The following SUPT3H variants were observed in gnomAD, a reference collection of about 807,000 sequenced individuals.
The protein encoded by SUPT3H is transcription initiation protein SPT3 homolog.
A neutral mutation model predicts 44.3 loss-of-function variants in SUPT3H; 44 were observed. That is an observed-to-expected ratio of 0.99 (90% CI 0.78 to 1.28). SUPT3H has a LOEUF of 1.28. Ranked by LOEUF, SUPT3H falls within the 50% of genes most tolerant of loss-of-function variation. SUPT3H has a pLI of 0.00. For missense variants in SUPT3H, 380 were observed against 387.1 expected (o/e 0.98, Z 0.15); for synonymous variants, 124 against 125.6 (o/e 0.99, Z 0.09).
At chr6:44,882,837 C>A (rs1428121982) in intron 10 of SUPT3H, among the ~76,000 whole-genome samples, 2 of 152,140 alleles carry the variant, frequency 1.3e-5, no homozygotes, top group South Asian at 4.1e-4. Flanking sequence ...ATTCAACACT[C>A]CTTCATGCTA....
At chr6:44,983,803 A>C (rs550451400) in intron 6 of SUPT3H, among the ~76,000 whole-genome samples, 1 of 152,326 alleles carries the variant, frequency 6.6e-6, no homozygotes, top group South Asian at 2.1e-4. Flanking sequence ...TTTAACTGAA[A>C]GAGCTTGACT....
At chr6:44,900,899 C>A (rs1764907800) in intron 10 of SUPT3H, among the ~76,000 whole-genome samples, 3 of 152,192 alleles carry the variant, frequency 2.0e-5, no homozygotes, top group South Asian at 4.1e-4. Context: ...GCTTTTGATA[C>A]CCAGGCAAAC....
intron 2 of SUPT3H, among the ~76,000 whole-genome samples, chr6:45,263,246 A>G (rs1774688726): frequency 6.6e-6 from 1 of 152,192 alleles, no homozygotes; most frequent in South Asian, 2.1e-4. Flanking sequence ...ATGCCCATCA[A>G]GAGTGGCCTG....
chr6:45,016,897 T>A (rs1000588995), intron 4 of SUPT3H, among the ~76,000 whole-genome samples: 2 of 151,776 alleles, frequency 1.3e-5, no homozygotes, highest in African/African-American at 4.8e-5. Flanking sequence ...TTTCTAGTTC[T>A]AGATCCCTGA....
chr6:45,211,789 C>A (rs901634314), intron 2 of SUPT3H, among the ~76,000 whole-genome samples: 1 of 151,698 alleles, frequency 6.6e-6, no homozygotes, highest in Non-Finnish European at 1.5e-5. Context: ...GCGGACGTTG[C>A]AGTAAACTGA....
At chr6:44,868,570 T>C (rs1005523898) in intron 10 of SUPT3H, among the ~76,000 whole-genome samples, 2 of 152,138 alleles carry the variant, frequency 1.3e-5, no homozygotes, top group African/African-American at 4.8e-5. Flanking sequence ...TCTGTTCAGC[T>C]GCTAGGCAAC....
intron 6 of SUPT3H, among the ~76,000 whole-genome samples, chr6:44,990,132 T>A (rs1478260048): frequency 6.6e-6 from 1 of 152,168 alleles, no homozygotes; most frequent in Non-Finnish European, 1.5e-5. Context: ...CTTTTATGTT[T>A]ATCTTCAATC....
At chr6:45,300,931 G>C (rs1333199539) in intron 2 of SUPT3H, among the ~76,000 whole-genome samples, 1 of 152,160 alleles carries the variant, frequency 6.6e-6, no homozygotes, top group Non-Finnish European at 1.5e-5. Flanking sequence ...CTAAAGACTA[G>C]CCTCAACCTG....
At chr6:44,981,425 C>T (rs34286542) in intron 6 of SUPT3H, among the ~76,000 whole-genome samples, 18,340 of 152,216 alleles carry the variant, frequency 0.12, 1,445 homozygotes, top group East Asian at 0.27. Context: ...CTGGGTACAT[C>T]ATAGGGTAAA....
chr6:45,370,418 G>A (rs1187262618), intron 1 of SUPT3H, among the ~76,000 whole-genome samples: 1 of 152,096 alleles, frequency 6.6e-6, no homozygotes, highest in East Asian at 1.9e-4. Flanking sequence ...TTGGGCCTAT[G>A]TTAAGTTTGA....
intron 10 of SUPT3H, among the ~76,000 whole-genome samples, chr6:44,886,268 G>A (rs1425528552): frequency 6.6e-5 from 10 of 151,820 alleles, no homozygotes; most frequent in Admixed American, 2.6e-4. Context: ...TACAGAGAAC[G>A]CCACAAAGAT....
At chr6:44,978,506 A>C (rs1057346428) in intron 6 of SUPT3H, among the ~76,000 whole-genome samples, 1 of 152,236 alleles carries the variant, frequency 6.6e-6, no homozygotes, top group Non-Finnish European at 1.5e-5. Context: ...ACAGTTTGGT[A>C]AAAGATAAAA....
intron 3 of SUPT3H, among the ~76,000 whole-genome samples, chr6:45,023,481 T>C (rs999608613): frequency 3.3e-5 from 5 of 152,194 alleles, no homozygotes; most frequent in African/African-American, 1.2e-4. Flanking sequence ...TGCACACAAA[T>C]GTTCACTGCA....
intron 9 of SUPT3H, among the ~76,000 whole-genome samples, chr6:44,937,813 T>A (rs1771712778): frequency 6.6e-6 from 1 of 151,964 alleles, no homozygotes; most frequent in African/African-American, 2.4e-5. Context: ...GCTGTTTGAG[T>A]TCCTTGTAAA....
At chr6:45,223,175 T>C (rs1468169227) in intron 2 of SUPT3H, among the ~76,000 whole-genome samples, 3 of 151,970 alleles carry the variant, frequency 2.0e-5, no homozygotes, top group Non-Finnish European at 4.4e-5. Flanking sequence ...AAAAAAGAAC[T>C]AAACACTAAA....
At chr6:45,205,617 T>C (rs1400320470) in intron 2 of SUPT3H, among the ~76,000 whole-genome samples, 2 of 151,894 alleles carry the variant, frequency 1.3e-5, no homozygotes, top group Non-Finnish European at 2.9e-5. Flanking sequence ...GCCAACATGG[T>C]GAAACCCCAT....
At chr6:45,108,005 TGGAGAA>T (rs1262682465) in intron 2 of SUPT3H, among the ~76,000 whole-genome samples, 3 of 152,176 alleles carry the variant, frequency 2.0e-5, no homozygotes, top group Non-Finnish European at 4.4e-5. Flanking sequence ...AAAAAGTTAA[TGGAGAA>T]AAGTTATCAA....
intron 1 of SUPT3H, among the ~76,000 whole-genome samples, chr6:45,370,425 T>C (rs577225668): frequency 5.3e-5 from 8 of 152,048 alleles, no homozygotes; most frequent in Non-Finnish European, 1.2e-4. Flanking sequence ...TATGTTAAGT[T>C]TGAGACAACT....
chr6:45,322,788 G>A lies in SUPT3H; in HGVS notation c.101+42413C>T. On this transcript the variant is annotated intron_variant, in intron 2 of 10. Coordinates refer to ENST00000371459, the MANE Select transcript of SUPT3H (RefSeq NM_003599.4). Reference sequence around the variant, plus strand: ...AATAACTATTTTAAAGGCTGTGTGTGGTCTCGCCCATATATTTTGGCAAGA... The same window carrying A: ...AATAACTATTTTAAAGGCTGTGTGTAGTCTCGCCCATATATTTTGGCAAGA... 3 of 888,780 alleles carry A rather than the reference G, an allele frequency of 3.4e-6. No individual in the cohort carries two copies. In the South Asian group the frequency reaches 4.2e-5, roughly 12 times the overall value. 55.1% of individuals were successfully genotyped at this position (888,780 alleles called of 1,614,324 possible). A position where few individuals can be genotyped will look rare whatever the true frequency, so the allele number is the denominator to read the frequency against.
Sources: gnomAD v4.1 joint callset for allele counts (sites outside exome capture counted in the v4.1 genomes callset) on GRCh38, gnomAD v4.1.1 for gene constraint, MANE v1.5 for transcripts, NCBI Gene and HGNC (gene_info 2026-07-23, HGNC 2026-07-21) for gene names.